VRTN: variants seen among roughly 807,000 people sequenced by gnomAD.
VRTN encodes the protein vertnin.
In VRTN, 5 loss-of-function variants were observed where a neutral mutation model predicts 18.2. The ratio of observed to expected loss-of-function variants is 0.27; its 90% CI spans 0.14 to 0.58. The LOEUF is 0.58. VRTN is among the 20% of genes least tolerant of loss of function. The pLI is 0.91. For missense variants in VRTN, 741 were observed against 939.4 expected, an observed-to-expected ratio of 0.79 and a Z score of 2.76; for synonymous variants, 381 against 393.7, an observed-to-expected ratio of 0.97 and a Z score of 0.38.
At chr14:74,336,522 A>T (rs1595170146) in intron 1 of VRTN, among the ~76,000 whole-genome samples, 1 of 152,162 alleles carries the variant, frequency 6.6e-6, no homozygotes, top group East Asian at 1.9e-4. Flanking sequence ...ATATATATAT[A>T]CATACATAAT....
intron 1 of VRTN, among the ~76,000 whole-genome samples, chr14:74,307,289 C>T (rs10132487): frequency 0.012 from 1,897 of 151,860 alleles, 32 homozygotes; most frequent in African/African-American, 0.043. Context: ...CCACCACGCC[C>T]GGCTAATTTT....
At chr14:74,318,381 C>T (rs1354208035) in intron 1 of VRTN, among the ~76,000 whole-genome samples, 1 of 152,134 alleles carries the variant, frequency 6.6e-6, no homozygotes, top group Non-Finnish European at 1.5e-5. Context: ...AGTGATTCTC[C>T]TGCCTCAGCC....
chr14:74,314,394 CTTTTTTT>C (rs10676222), intron 1 of VRTN, among the ~76,000 whole-genome samples: 1 of 108,824 alleles, frequency 9.2e-6, no homozygotes, highest in African/African-American at 3.6e-5. Flanking sequence ...AAAAACTGTT[CTTTTTTT>C]TTTTTTTTTT....
chr14:74,336,698 C>T (rs188002787), intron 1 of VRTN, among the ~76,000 whole-genome samples: 8 of 151,874 alleles, frequency 5.3e-5, no homozygotes, highest in Admixed American at 1.3e-4. Context: ...TTGAACCAGA[C>T]GGAGGTGGAG....
chr14:74,328,343 G>A (rs1287006706), intron 1 of VRTN, among the ~76,000 whole-genome samples: 2 of 152,108 alleles, frequency 1.3e-5, no homozygotes, highest in Non-Finnish European at 2.9e-5. Flanking sequence ...GGGCTCAGAA[G>A]CCATTTCAGC....
At chr14:74,308,275 C>A (rs1321327482) in intron 1 of VRTN, among the ~76,000 whole-genome samples, 1 of 151,986 alleles carries the variant, frequency 6.6e-6, no homozygotes, top group African/African-American at 2.4e-5. Context: ...AAATTGGGAT[C>A]CAAATAAGGT....
chr14:74,321,285 G>A (rs1406049392), intron 1 of VRTN, among the ~76,000 whole-genome samples: 1 of 152,124 alleles, frequency 6.6e-6, no homozygotes, highest in Admixed American at 6.6e-5. Context: ...TACTAAGTAG[G>A]AGCTGCATGA....
intron 1 of VRTN, among the ~76,000 whole-genome samples, chr14:74,354,100 T>C (rs934596821): frequency 3.9e-5 from 6 of 152,186 alleles, no homozygotes; most frequent in Non-Finnish European, 4.4e-5. Flanking sequence ...CACATTATTC[T>C]ACATTTTTAC....
intron 1 of VRTN, among the ~76,000 whole-genome samples, chr14:74,332,417 C>T (rs535143051): frequency 1.3e-4 from 17 of 133,842 alleles, no homozygotes; most frequent in African/African-American, 8.2e-5. Flanking sequence ...GGAAGTGGCG[C>T]GATCTCGGCT....
At chr14:74,332,283 G>C (rs1051218366) in intron 1 of VRTN, among the ~76,000 whole-genome samples, 9 of 145,086 alleles carry the variant, frequency 6.2e-5, no homozygotes, top group Non-Finnish European at 1.3e-4. Flanking sequence ...GTGTTTTCTG[G>C]CCTGGCAGGA....
At chr14:74,305,227 G>A (rs1482566430) in intron 1 of VRTN, among the ~76,000 whole-genome samples, 1 of 151,892 alleles carries the variant, frequency 6.6e-6, no homozygotes, top group Admixed American at 6.6e-5. Flanking sequence ...AGCTACTTGG[G>A]AGGCTGAGGC....
At chr14:74,316,595 CA>C (rs1445169162) in intron 1 of VRTN, among the ~76,000 whole-genome samples, 1 of 150,552 alleles carries the variant, frequency 6.6e-6, no homozygotes, top group African/African-American at 2.4e-5. Flanking sequence ...GCATTCTAAG[CA>C]AAGGGAACAG....
At position 74,333,158 on chromosome 14, in the gene VRTN, G is replaced by A. The variant is rs377181214; in HGVS notation, c.-163-4565G>A. 6.6e-4 allele frequency among the ~76,000 whole-genome samples: 100 copies of A among 152,240 alleles called. No individual in the cohort carries two copies. The East Asian group carries it at 9.3e-3, about 14-fold the overall frequency. On this transcript the variant is annotated intron_variant, in intron 1 of 2. Transcript: ENST00000557177. The stretch of plus-strand genomic sequence containing the variant: ...AGCACTTTAGGAGGCCGAGGCGGGC[G>A]GGTCACCCGAGGTCGGGAGTTCGAG...
At chr14:74,341,033 T>C (rs2085602220) in intron 2 of VRTN, among the ~76,000 whole-genome samples, 1 of 152,162 alleles carries the variant, frequency 6.6e-6, no homozygotes, top group Non-Finnish European at 1.5e-5. Flanking sequence ...TGAGCCACCG[T>C]GCCCAGCTGA....
chr14:74,315,353 A>C (rs1195106078), intron 1 of VRTN, among the ~76,000 whole-genome samples: 1 of 152,124 alleles, frequency 6.6e-6, no homozygotes, highest in African/African-American at 2.4e-5. Context: ...AGTTGGTATA[A>C]CAAGCATGAG....
At chr14:74,342,456 C>T (rs897801457) in intron 2 of VRTN, among the ~76,000 whole-genome samples, 59 of 152,002 alleles carry the variant, frequency 3.9e-4, no homozygotes, top group African/African-American at 1.4e-3. Flanking sequence ...TATATGTATT[C>T]GTGTATATAT....
chr14:74,342,956 A>C (rs1252691542), intron 2 of VRTN, among the ~76,000 whole-genome samples: 2 of 152,164 alleles, frequency 1.3e-5, no homozygotes, highest in Non-Finnish European at 2.9e-5. Context: ...CTTTCATCAT[A>C]ATTTAAAAAT....
At chr14:74,327,180 C>G (rs74060545) in intron 1 of VRTN, among the ~76,000 whole-genome samples, 2,406 of 152,228 alleles carry the variant, frequency 0.016, 61 homozygotes, top group African/African-American at 0.055. Flanking sequence ...GTAGGTGCGT[C>G]GCATCTGTTT....
chr14:74,349,398 C>T (rs1030528322), intron 1 of VRTN, among the ~76,000 whole-genome samples: 3 of 152,092 alleles, frequency 2.0e-5, no homozygotes, highest in African/African-American at 4.8e-5. Flanking sequence ...CAGAGAGGCA[C>T]GGCGCAAGGC....
Sources: allele counts gnomAD v4.1 joint callset (sites outside exome capture counted in the v4.1 genomes callset), GRCh38; gene constraint gnomAD v4.1.1; transcripts MANE v1.5; gene names NCBI Gene and HGNC (gene_info 2026-07-23, HGNC 2026-07-21).